The following BANK1 variants were observed in gnomAD, a reference collection of about 807,000 sequenced individuals.
BANK1 encodes B-cell scaffold protein with ankyrin repeats.
Under a neutral mutation model 94.5 loss-of-function variants are expected in BANK1, and 95 were observed. That is an observed-to-expected ratio of 1.00 (90% confidence interval 0.85 to 1.19). The LOEUF (loss-of-function observed/expected upper bound fraction) is 1.19. Ranked by LOEUF, BANK1 falls within the 50% of genes most tolerant of loss-of-function variation. BANK1 has a pLI of 0.00. For missense variants in BANK1, 987 were observed against 932.2 expected, an observed-to-expected ratio of 1.06 and a Z score of -0.77; for synonymous variants, 334 against 308.4, an observed-to-expected ratio of 1.08 and a Z score of -0.87.
chr4:101,986,871 G>GTA (rs201776580), intron 7 of BANK1, among the ~76,000 whole-genome samples: 5,335 of 49,386 alleles, frequency 0.11, 648 homozygotes, highest in African/African-American at 0.15. Flanking sequence ...ATATATGTGT[G>GTA]TATGTGTGTG....
chr4:101,964,786 C>T (rs186827099), intron 7 of BANK1, among the ~76,000 whole-genome samples: 151 of 151,790 alleles, frequency 9.9e-4, no homozygotes, highest in African/African-American at 3.4e-3. Flanking sequence ...TTATTATACT[C>T]TAAGTTTTAG....
chr4:101,876,053 G>C (rs1728478624), intron 5 of BANK1, among the ~76,000 whole-genome samples: 1 of 152,172 alleles, frequency 6.6e-6, no homozygotes, highest in Admixed American at 6.5e-5. Context: ...GTGGCATATA[G>C]GATACCAGCT....
At chr4:101,900,262 CAG>C (rs1246577994) in intron 6 of BANK1, among the ~76,000 whole-genome samples, 75 of 152,082 alleles carry the variant, frequency 4.9e-4, no homozygotes, top group African/African-American at 1.8e-3. Context: ...CTGAGAGTAA[CAG>C]AGTAATAAAA....
intron 7 of BANK1, among the ~76,000 whole-genome samples, chr4:101,936,351 G>A (rs182001978): frequency 2.0e-5 from 3 of 149,530 alleles, no homozygotes; most frequent in African/African-American, 7.4e-5. Flanking sequence ...ACATATACAT[G>A]TATACATACA....
intron 11 of BANK1, among the ~76,000 whole-genome samples, chr4:102,058,723 C>A: frequency 1.4e-5 from 2 of 145,770 alleles, no homozygotes. Flanking sequence ...AAGGTAAAAG[C>A]AGATTTATGT....
rs547357140 is a variant in BANK1 at position 101,879,063 on chromosome 4, C to A, written c.903+8419C>A. ...TCTTAAAGAACTAGAAAAGCAAGAACAAACCAAACCCAAAATTAGTAGAAG... is the reference window on the plus strand; with the variant it reads ...TCTTAAAGAACTAGAAAAGCAAGAAAAAACCAAACCCAAAATTAGTAGAAG... On this transcript the variant is annotated intron_variant, in intron 5 of 16. Coordinates refer to ENST00000322953, the MANE Select transcript of BANK1 (RefSeq NM_017935.5). Among the ~76,000 whole-genome samples the A allele has an allele frequency of 2.7e-5, 4 of 150,908 alleles. No individual in the cohort carries two copies. The East Asian group carries it at 7.8e-4, about 29-fold the overall frequency.
chr4:101,838,150 G>A (rs1247353848), intron 2 of BANK1, among the ~76,000 whole-genome samples: 3 of 152,042 alleles, frequency 2.0e-5, no homozygotes, highest in Non-Finnish European at 4.4e-5. Flanking sequence ...GTAGACACGG[G>A]GTTTCACCAT....
At chr4:102,060,974 A>G (rs774848136) in intron 12 of BANK1, among the ~76,000 whole-genome samples, 13 of 152,118 alleles carry the variant, frequency 8.5e-5, no homozygotes, top group Non-Finnish European at 1.8e-4. Flanking sequence ...TATACCACAC[A>G]CACCCCTTGA....
chr4:101,939,540 A>G (rs1331838976), intron 7 of BANK1, among the ~76,000 whole-genome samples: 1 of 151,670 alleles, frequency 6.6e-6, no homozygotes, highest in African/African-American at 2.4e-5. Flanking sequence ...TGAAGTTGCA[A>G]TGGCAGGGGA....
At chr4:102,067,564 TAAAC>T (rs1421273513) in intron 13 of BANK1, among the ~76,000 whole-genome samples, 1 of 151,900 alleles carries the variant, frequency 6.6e-6, no homozygotes, top group Non-Finnish European at 1.5e-5. Context: ...TTACAAAAGA[TAAAC>T]AAGGATATTA....
intron 2 of BANK1, among the ~76,000 whole-genome samples, chr4:101,839,879 C>T (rs528734827): frequency 2.7e-3 from 358 of 134,692 alleles, no homozygotes; most frequent in Non-Finnish European, 4.5e-3. Flanking sequence ...AGGAGATATA[C>T]AATTGCTTTT....
chr4:101,939,953 C>A (rs1360037876), intron 7 of BANK1, among the ~76,000 whole-genome samples: 1 of 151,748 alleles, frequency 6.6e-6, no homozygotes, highest in Non-Finnish European at 1.5e-5. Flanking sequence ...CAAATATCTT[C>A]TAAATGACAC....
At chr4:101,944,066 C>G (rs901707940) in intron 7 of BANK1, among the ~76,000 whole-genome samples, 17 of 147,014 alleles carry the variant, frequency 1.2e-4, no homozygotes, top group East Asian at 6.1e-4. Flanking sequence ...GAGAGAGAGA[C>G]AGACAGACAG....
intron 1 of BANK1, among the ~76,000 whole-genome samples, chr4:101,813,428 A>G (rs921227203): frequency 2.6e-5 from 4 of 152,242 alleles, no homozygotes; most frequent in Admixed American, 1.3e-4. Context: ...ATCATCTACT[A>G]TGATACTGGA....
At chr4:101,861,524 T>G (rs542783684) in intron 3 of BANK1, among the ~76,000 whole-genome samples, 2 of 152,270 alleles carry the variant, frequency 1.3e-5, no homozygotes, top group South Asian at 2.1e-4. Context: ...AATTTTTTCA[T>G]GGGGTTCGAC....
At chr4:101,880,109 T>G (rs1053677296) in intron 5 of BANK1, among the ~76,000 whole-genome samples, 5 of 151,926 alleles carry the variant, frequency 3.3e-5, no homozygotes, top group Non-Finnish European at 7.4e-5. Context: ...AGAAAAGAAA[T>G]AAATAAAGGC....
intron 7 of BANK1, among the ~76,000 whole-genome samples, chr4:101,951,870 C>CA (rs145343057): frequency 0.34 from 51,119 of 150,956 alleles, 9,780 homozygotes; most frequent in Non-Finnish European, 0.43. Context: ...ATTTATAAAA[C>CA]AAAAAAAATA....
chr4:101,990,885 GATA>G (rs1725682420), intron 7 of BANK1, among the ~76,000 whole-genome samples: 2 of 152,088 alleles, frequency 1.3e-5, no homozygotes, highest in South Asian at 4.1e-4. Context: ...GTTTTGTGAG[GATA>G]ATAAGTTAAA....
rs987722099 is a variant in BANK1, at chr4:101,892,818, A to G, written c.904-2487A>G. 3.7e-4 allele frequency among the ~76,000 whole-genome samples: 57 copies of G among 152,102 alleles called. 1 individual carries two copies. The highest frequency in any genetic ancestry group is 1.1e-3 in the African/African-American group (45 of 41,562). On this transcript the variant is annotated intron_variant, in intron 5 of 16. Coordinates refer to ENST00000322953, the MANE Select transcript of BANK1 (RefSeq NM_017935.5). ...TAATTTATGTCATTTTAAAATTTCA[A>G]TGCCAATGTTTAGAAAGGATACATA...
Sources: gnomAD v4.1 joint callset for allele counts (sites outside exome capture counted in the v4.1 genomes callset) on GRCh38, gnomAD v4.1.1 for gene constraint, MANE v1.5 for transcripts, NCBI Gene and HGNC (gene_info 2026-07-23, HGNC 2026-07-21) for gene names.